The following TSPAN18 variants were observed in gnomAD, a reference collection of about 807,000 sequenced individuals.
The protein encoded by TSPAN18 is tetraspanin-18.
Under a neutral mutation model 27.3 loss-of-function variants are expected in TSPAN18, and 14 were observed. That is an observed-to-expected ratio of 0.51 (90% confidence interval 0.34 to 0.80). The LOEUF is 0.80. TSPAN18 is among the 30% of genes least tolerant of loss of function. The pLI is 0.01. For synonymous variants in TSPAN18, 143 were observed against 136.5 expected (o/e 1.05, Z -0.33); for missense variants, 268 against 323.9 (o/e 0.83, Z 1.32).
intron 8 of TSPAN18, 120 bp from the exon 9 acceptor site, chr11:44,926,554 G>T (rs1860362517): frequency 1.1e-6 from 1 of 878,912 alleles, no homozygotes; most frequent in East Asian, 2.4e-5. Flanking sequence ...TGTCTCAGCA[G>T]CCGTGTGATA....
At chr11:44,810,169 G>A (rs1483551642) in intron 2 of TSPAN18, among the ~76,000 whole-genome samples, 1 of 152,120 alleles carries the variant, frequency 6.6e-6, no homozygotes, top group Non-Finnish European at 1.5e-5. Flanking sequence ...ATACAATTAG[G>A]CATTTTAAAG....
chr11:44,864,553 C>T (rs892941295), intron 3 of TSPAN18, among the ~76,000 whole-genome samples: 1 of 152,120 alleles, frequency 6.6e-6, no homozygotes. Context: ...CCCATGGCAC[C>T]CGAAGCTTTG....
intron 1 of TSPAN18, among the ~76,000 whole-genome samples, chr11:44,748,933 C>G (rs1224577458): frequency 6.6e-6 from 1 of 152,182 alleles, no homozygotes. Context: ...TGTGTACCGC[C>G]CTGTTGAATC....
At chr11:44,840,630 T>A (rs573415781) in intron 2 of TSPAN18, among the ~76,000 whole-genome samples, 1 of 152,320 alleles carries the variant, frequency 6.6e-6, no homozygotes, top group East Asian at 1.9e-4. Flanking sequence ...AGCCCCAGAC[T>A]CTGTTTCTGT....
At position 44,848,348 on chromosome 11, in the gene TSPAN18, C is replaced by G. The variant is rs1431370946; in HGVS notation, c.-152-11980C>G. On this transcript the variant is annotated intron_variant, in intron 2 of 9. Coordinates refer to ENST00000520358, the MANE Select transcript of TSPAN18 (RefSeq NM_130783.5). ...ACCAGGCCCCTTCCTGCTCTTGGAG[C>G]CAGGGAGGCTGGCTCTGCTGGCTCC... 2.6e-5 allele frequency among the ~76,000 whole-genome samples: 4 copies of G among 152,188 alleles called. 1 individual carries two copies. The highest frequency in any genetic ancestry group is 5.9e-5 in the Non-Finnish European group (4 of 68,032).
chr11:44,917,899 G>A (rs1859971640), intron 5 of TSPAN18, 73 bp from the exon 6 acceptor site: 51 of 1,368,862 alleles, frequency 3.7e-5, no homozygotes, highest in Non-Finnish European at 5.2e-5. Context: ...ACAGATGGAC[G>A]GATGCATTGG....
intron 2 of TSPAN18, among the ~76,000 whole-genome samples, chr11:44,827,109 C>G (rs1857060124): frequency 6.6e-6 from 1 of 152,240 alleles, no homozygotes; most frequent in South Asian, 2.1e-4. Context: ...CCCGCCAACT[C>G]TGCCACTGCG....
chr11:44,908,794 A>AGAAGGAAGGAAGGAAGGAAG (rs1859580047), intron 4 of TSPAN18, among the ~76,000 whole-genome samples: 1 of 77,874 alleles, frequency 1.3e-5, no homozygotes, highest in Admixed American at 1.5e-4. Flanking sequence ...AAAGAAAGAA[A>AGAAGGAAGGAAGGAAGGAAG]GAAAGAAAGA....
intron 3 of TSPAN18, chr11:44,903,232 G>A (rs372328652): frequency 2.8e-6 from 1 of 362,960 alleles, no homozygotes; most frequent in Non-Finnish European, 5.4e-6. Context: ...CCTGGCGGAG[G>A]TGATGCCTGT....
rs57960125 is a variant in TSPAN18 at position 44,905,902 on chromosome 11, G to A, written c.-10-505G>A. The stretch of plus-strand genomic sequence containing the variant: ...CCCATCTCGCTGGCACCAAGCAACC[G>A]CCCTGGTCTGTTCTGTGGCTGGAGG... On this transcript the variant is annotated intron_variant, in intron 3 of 9. Transcript: ENST00000520358. Among the ~76,000 whole-genome samples the A allele has an allele frequency of 3.9e-3, 589 of 152,286 alleles. 5 individuals carry two copies. The highest frequency in any genetic ancestry group is 0.013 in the African/African-American group (550 of 41,550).
At chr11:44,744,255 C>T (rs1855019357) in intron 1 of TSPAN18, among the ~76,000 whole-genome samples, 2 of 152,182 alleles carry the variant, frequency 1.3e-5, no homozygotes, top group Non-Finnish European at 2.9e-5. Flanking sequence ...CAGTTGCTTT[C>T]GAGAAAACCT....
intron 2 of TSPAN18, among the ~76,000 whole-genome samples, chr11:44,841,973 G>A (rs531390293): frequency 6.6e-6 from 1 of 152,226 alleles, no homozygotes; most frequent in East Asian, 1.9e-4. Context: ...AGTTATGATT[G>A]GAAGGATCTC....
intron 4 of TSPAN18, among the ~76,000 whole-genome samples, chr11:44,908,004 G>A (rs1197309137): frequency 2.7e-5 from 4 of 149,332 alleles, no homozygotes; most frequent in East Asian, 2.0e-4. Flanking sequence ...GTGGTGAGCC[G>A]AGATCGTGCC....
intron 3 of TSPAN18, among the ~76,000 whole-genome samples, chr11:44,868,597 C>T (rs1490533627): frequency 6.6e-6 from 1 of 152,328 alleles, no homozygotes; most frequent in South Asian, 2.1e-4. Flanking sequence ...GCGGGCACAG[C>T]TTAGGGAATG....
chr11:44,882,174 C>T (rs1230491066), intron 3 of TSPAN18, among the ~76,000 whole-genome samples: 2 of 152,132 alleles, frequency 1.3e-5, no homozygotes, highest in Non-Finnish European at 2.9e-5. Context: ...CCCTGGACAG[C>T]CTCATCCTAA....
chr11:44,812,177 T>C (rs1427627482), intron 2 of TSPAN18, among the ~76,000 whole-genome samples: 1 of 152,196 alleles, frequency 6.6e-6, no homozygotes, highest in Admixed American at 6.5e-5. Flanking sequence ...GCATGCACTT[T>C]GTAGATCTGC....
chr11:44,906,824 C>T (rs1000314758), intron 4 of TSPAN18, among the ~76,000 whole-genome samples: 2 of 152,152 alleles, frequency 1.3e-5, no homozygotes, highest in Admixed American at 6.5e-5. Context: ...CAAGAGGGAG[C>T]CCCACCCAAC....
intron 2 of TSPAN18, among the ~76,000 whole-genome samples, chr11:44,809,767 G>A (rs1277429028): frequency 6.6e-6 from 1 of 152,174 alleles, no homozygotes; most frequent in African/African-American, 2.4e-5. Context: ...TAAACCTCAG[G>A]TTCCACTTCT....
At chr11:44,806,898 C>G (rs835820) in intron 2 of TSPAN18, among the ~76,000 whole-genome samples, 149,738 of 152,294 alleles carry the variant, frequency 0.98, 73,669 homozygotes, top group Middle Eastern at 1. Flanking sequence ...GTGGCACTCA[C>G]ATGAACTGGA....
Sources: allele counts gnomAD v4.1 joint callset (sites outside exome capture counted in the v4.1 genomes callset), GRCh38; gene constraint gnomAD v4.1.1; transcripts MANE v1.5; gene names NCBI Gene and HGNC (gene_info 2026-07-23, HGNC 2026-07-21).